WWOX: variants seen among roughly 807,000 people sequenced by gnomAD.
WWOX encodes WW domain containing oxidoreductase, also known as WW domain-containing oxidoreductase.
A neutral mutation model predicts 46.2 loss-of-function variants in WWOX; 69 were observed. That is an observed-to-expected ratio of 1.49 (90% CI 1.23 to 1.82). The LOEUF is 1.82. Ranked by LOEUF, WWOX falls within the 40% of genes most tolerant of loss-of-function variation. The pLI, the probability that WWOX is intolerant of heterozygous loss-of-function variation, is 0.00. For synonymous variants in WWOX, 359 were observed against 202.6 expected, an observed-to-expected ratio of 1.77 and a Z score of -6.56; for missense variants, 919 against 542.6, an observed-to-expected ratio of 1.69 and a Z score of -6.89.
At chr16:78,385,766 C>T (rs2082047743) in intron 5 of WWOX, among the ~76,000 whole-genome samples, 1 of 152,190 alleles carries the variant, frequency 6.6e-6, no homozygotes, top group East Asian at 1.9e-4. Flanking sequence ...ACAGTCTAGA[C>T]TAGAATTCCC....
intron 8 of WWOX, among the ~76,000 whole-genome samples, chr16:78,672,356 T>C (rs1316775631): frequency 2.0e-5 from 3 of 152,214 alleles, no homozygotes; most frequent in African/African-American, 7.2e-5. Flanking sequence ...TTGCACTCTA[T>C]AGCCAAGTGC....
At chr16:78,575,087 A>T (rs1597291297) in intron 8 of WWOX, among the ~76,000 whole-genome samples, 2 of 50,560 alleles carry the variant, frequency 4.0e-5, no homozygotes, top group South Asian at 1.6e-3. Context: ...ATATATATAT[A>T]TATATATATT....
intron 8 of WWOX, among the ~76,000 whole-genome samples, chr16:78,786,562 C>A (rs1333845966): frequency 1.3e-5 from 2 of 152,074 alleles, no homozygotes; most frequent in Non-Finnish European, 2.9e-5. Flanking sequence ...AGATGTATTT[C>A]ATACACTTTC....
In WWOX at chr16:78,204,815, T is replaced by G. The variant is rs189900076; in HGVS notation, c.516+40526T>G. Among the ~76,000 whole-genome samples the G allele has an allele frequency of 3.2e-3, 486 of 152,310 alleles. 2 individuals are homozygous for G. The highest frequency in any genetic ancestry group is 5.4e-3 in the Non-Finnish European group (365 of 68,022). On this transcript the variant is annotated intron_variant, in intron 5 of 8. Transcript: ENST00000566780. ...AGCCTCATATTGCATAGCAAGTCTG[T>G]GATGGAAGCAAAGTTAGACCCTGTT...
At chr16:78,721,649 G>T (rs772613257) in intron 8 of WWOX, among the ~76,000 whole-genome samples, 6 of 152,148 alleles carry the variant, frequency 3.9e-5, no homozygotes, top group African/African-American at 7.2e-5. Context: ...TCCGTCACTG[G>T]CTGTGTGACC....
rs142162901 is a variant in WWOX at position 79,111,297 on chromosome 16, T to G, written c.1057-100311T>G. On this transcript the variant is annotated intron_variant, in intron 8 of 8. Transcript: ENST00000566780. ...GTATCTGCAGATTCCTTTTTCTCAT[T>G]GTTTCTCTGTCATGTTTAATTTTTG... Among the ~76,000 whole-genome samples the G allele has an allele frequency of 3.1e-3, 475 of 152,360 alleles. 1 individual carries two copies. The highest frequency in any genetic ancestry group is 0.011 in the African/African-American group (453 of 41,582).
chr16:78,541,624 A>G (rs2043898520), intron 8 of WWOX, among the ~76,000 whole-genome samples: 1 of 152,096 alleles, frequency 6.6e-6, no homozygotes, highest in East Asian at 1.9e-4. Flanking sequence ...ACTTGGCCAG[A>G]CAGACCTGGG....
chr16:78,496,302 G>A (rs2151468403), intron 8 of WWOX: 1 of 152,330 alleles, frequency 6.6e-6, no homozygotes, highest in Middle Eastern at 3.4e-3. Flanking sequence ...TATGTTTGCA[G>A]TCATCACTGA....
intron 8 of WWOX, among the ~76,000 whole-genome samples, chr16:78,810,667 C>T (rs191077016): frequency 1.2e-3 from 181 of 152,290 alleles, no homozygotes; most frequent in South Asian, 3.7e-3. Context: ...ATTGTTAAGC[C>T]TGCCTAATGC....
Position 78,145,383 on chromosome 16 carries a change from C to T in WWOX, c.410-18800C>T, listed in dbSNP as rs1300646809. ...CTGTGGTCAAAGGCCCCAAGAGCCC[C>T]TGGCAAACCACTGGTGTAAGTCCAA... On this transcript the variant is annotated intron_variant, in intron 4 of 8. Coordinates refer to ENST00000566780, the MANE Select transcript of WWOX (RefSeq NM_016373.4). Among the ~76,000 whole-genome samples the T allele has an allele frequency of 2.6e-5, 4 of 152,182 alleles. No individual in the cohort carries two copies. In the East Asian group the frequency reaches 7.7e-4, roughly 29 times the overall value.
chr16:78,388,413 A>G (rs1164958785), intron 6 of WWOX, among the ~76,000 whole-genome samples: 4 of 151,458 alleles, frequency 2.6e-5, no homozygotes, highest in Non-Finnish European at 5.9e-5. Flanking sequence ...TTGGGAGGCC[A>G]AGGCGGGGAG....
intron 6 of WWOX, among the ~76,000 whole-genome samples, chr16:78,408,854 A>T (rs986851724): frequency 1.3e-5 from 2 of 152,182 alleles, no homozygotes; most frequent in South Asian, 4.1e-4. Context: ...TGTGAGCCCC[A>T]TCTCAGTGGA....
At chr16:79,096,328 C>G (rs1347743107) in intron 8 of WWOX, among the ~76,000 whole-genome samples, 1 of 152,132 alleles carries the variant, frequency 6.6e-6, no homozygotes, top group Non-Finnish European at 1.5e-5. Context: ...GGAGTGCAAG[C>G]CATGCTCTCG....
intron 8 of WWOX, among the ~76,000 whole-genome samples, chr16:79,022,097 A>G (rs1451129681): frequency 1.3e-5 from 2 of 152,224 alleles, no homozygotes; most frequent in African/African-American, 2.4e-5. Flanking sequence ...TGGGCAGAGG[A>G]AACCATGAGT....
In WWOX at chr16:78,496,621, A is replaced by T. The variant is rs187909828; in HGVS notation, c.1056+63869A>T. 5.9e-4 allele frequency among the ~76,000 whole-genome samples: 90 copies of T among 152,320 alleles called. 1 individual carries two copies. The highest frequency in any genetic ancestry group is 2.0e-3 in the African/African-American group (83 of 41,578). On this transcript the variant is annotated intron_variant, in intron 8 of 8. Transcript: ENST00000566780. ...TACACTGCTTTCTTTAGTGCATAAG[A>T]TCTTGAAGGGAGGGATGCATTCTAT...
At chr16:78,667,118 T>C (rs529466221) in intron 8 of WWOX, among the ~76,000 whole-genome samples, 2 of 152,300 alleles carry the variant, frequency 1.3e-5, no homozygotes, top group African/African-American at 2.4e-5. Context: ...ACGTCTTAAA[T>C]AGTACTTTTC....
At position 78,729,183 on chromosome 16, in the gene WWOX, A is replaced by G. The variant is rs2048905699; in HGVS notation, c.1056+296431A>G. On this transcript the variant is annotated intron_variant, in intron 8 of 8. Transcript: ENST00000566780. Reference sequence around the variant, plus strand: ...CATGGTGAAACCTTATCCGTAAAAAAAATAAAAAATTAGCCAGACATCGTG... The same window carrying G: ...CATGGTGAAACCTTATCCGTAAAAAGAATAAAAAATTAGCCAGACATCGTG... Among the ~76,000 whole-genome samples the G allele has an allele frequency of 1.3e-5, 2 of 151,870 alleles. 1 individual carries two copies. The highest frequency in any genetic ancestry group is 4.2e-4 in the South Asian group (2 of 4,804).
At chr16:78,617,662 G>A (rs2046060715) in intron 8 of WWOX, among the ~76,000 whole-genome samples, 1 of 152,112 alleles carries the variant, frequency 6.6e-6, no homozygotes, top group Non-Finnish European at 1.5e-5. Context: ...CCTCAAGCTT[G>A]CATGGCGCTC....
intron 8 of WWOX, among the ~76,000 whole-genome samples, chr16:78,727,519 C>T (rs915695975): frequency 1.3e-5 from 2 of 152,160 alleles, no homozygotes; most frequent in African/African-American, 4.8e-5. Context: ...CCAGTGAAAG[C>T]AGAGATGAGA....
Sources: allele counts gnomAD v4.1 joint callset (sites outside exome capture counted in the v4.1 genomes callset), GRCh38; gene constraint gnomAD v4.1.1; transcripts MANE v1.5; gene names NCBI Gene and HGNC (gene_info 2026-07-23, HGNC 2026-07-21).